The following STX10 variants were observed in gnomAD, a reference collection of about 807,000 sequenced individuals.
STX10 encodes the protein syntaxin 10, also known as syntaxin-10.
A neutral mutation model predicts 34.1 loss-of-function variants in STX10; 35 were observed. That is an observed-to-expected ratio of 1.03 (90% confidence interval 0.78 to 1.36). The LOEUF (loss-of-function observed/expected upper bound fraction) is 1.36, where lower values mean the gene tolerates loss of function less well. Among genes scored for constraint, STX10 ranks in the 40% most tolerant of loss-of-function variants. The probability of loss-of-function intolerance (pLI) is 0.00; values close to 1 mark genes in which losing one functional copy is unlikely to be tolerated. For missense variants in STX10, 361 were observed against 335.5 expected (o/e 1.08, Z -0.59); for synonymous variants, 155 against 132.9 (o/e 1.17, Z -1.15).
chr19:13,150,159 G>T lies in STX10; in HGVS notation c.15C>A (p.Asp5Glu), dbSNP rs769482605. 1.7e-6 allele frequency: 2 copies of T among 1,169,584 alleles called. No individual in the cohort carries two copies. Among genetic ancestry groups the T allele is most frequent in the South Asian group, 2.6e-5 (2 of 78,214 alleles). 72.5% of individuals were successfully genotyped at this position (1,169,584 alleles called of 1,614,324 possible). A position where few individuals can be genotyped will look rare whatever the true frequency, so the allele number is the denominator to read the frequency against. MSLE[D>E]PFFVVRGEVQ... Reference sequence around the variant, plus strand: ...CTCACCCTCGGACTACAAAAAAGGGGTCTTCGAGAGACATGTCAGTCCCTT... The same window carrying T: ...CTCACCCTCGGACTACAAAAAAGGGTTCTTCGAGAGACATGTCAGTCCCTT... Residue 5 changes from aspartate (D) to glutamate (E), a missense_variant, in exon 1 of 8, where the codon GAC becomes GAA. Asp to Glu is a conservative substitution (Grantham distance 45, BLOSUM62 2). Coordinates refer to ENST00000587230, the MANE Select transcript of STX10 (RefSeq NM_003765.3). The surrounding 1 kb of genome is among the most constrained non-coding windows in gnomAD (Gnocchi z 4.0).
chr19:13,144,515 G>A, intron 7 of STX10, 29 bp from the exon 8 acceptor site: 1 of 1,613,818 alleles, frequency 6.2e-7, no homozygotes, highest in South Asian at 1.1e-5. Flanking sequence ...GGGGTCACGG[G>A]GAGAGGGTAC....
intron 2 of STX10, 28 bp from the exon 3 acceptor site, chr19:13,149,621 G>C (rs962637373): frequency 6.2e-7 from 1 of 1,613,384 alleles, no homozygotes; most frequent in Non-Finnish European, 8.5e-7. Flanking sequence ...GGTCAAGGCC[G>C]GAGCCAGATA....
chr19:13,145,493 T>G (rs1405777034), intron 4 of STX10, 98 bp from the exon 5 acceptor site: 6 of 983,114 alleles, frequency 6.1e-6, no homozygotes, highest in East Asian at 5.2e-5. Context: ...GGGCAGACTC[T>G]GGGGCAGGAC....
intron 5 of STX10, among the ~76,000 whole-genome samples, 193 bp downstream of exon 5, chr19:13,145,095 A>C (rs1014451820): frequency 1.3e-5 from 2 of 152,128 alleles, no homozygotes; most frequent in Admixed American, 1.3e-4. Flanking sequence ...GCTACTAGGG[A>C]GGCTGAGGCA....
chr19:13,144,290 G>T lies in STX10; in HGVS notation c.*120C>A. The T allele has an allele frequency of 7.2e-7, 1 of 1,383,028 alleles. No homozygotes were observed. Among genetic ancestry groups the T allele is most frequent in the Non-Finnish European group, 9.8e-7 (1 of 1,019,764 alleles). 85.7% of individuals were successfully genotyped at this position (1,383,028 alleles called of 1,614,324 possible). A position where few individuals can be genotyped will look rare whatever the true frequency, so the allele number is the denominator to read the frequency against. On this transcript the variant is annotated 3_prime_UTR_variant, in exon 8 of 8. Transcript: ENST00000587230. ...GAGCCATGGGGACAGCTCCCCAGGC[G>T]GGACCCTCTACTCTCCAGCTACCCA...
At position 13,150,088 on chromosome 19, in the gene STX10, G is replaced by A; in HGVS notation, c.35+51C>T. ...CGCTGGGGCCGGCACCCGGGCACTG[G>A]CTGGCTTGGGTACAGAGCACCCTCC... On this transcript the variant is annotated intron_variant, in intron 1 of 7. Transcript: ENST00000587230. This position sits in a 1 kb window ranked among gnomAD's most constrained non-coding sequence, Gnocchi z 4.0. 1 of 1,111,882 alleles carries A rather than the reference G, an allele frequency of 9.0e-7. No individual in the cohort carries two copies. The highest frequency in any genetic ancestry group is 1.3e-6 in the Non-Finnish European group (1 of 742,976). 68.9% of individuals were successfully genotyped at this position (1,111,882 alleles called of 1,614,324 possible).
At chr19:13,144,722 T>G (rs2304095) in intron 6 of STX10, 42 bp downstream of exon 6, 3 of 1,612,470 alleles carry the variant, frequency 1.9e-6, no homozygotes, top group South Asian at 2.2e-5. Flanking sequence ...CACACCAGGG[T>G]GGCCGAGAGC....
chr19:13,146,991 G>A (rs1053693075), intron 4 of STX10, among the ~76,000 whole-genome samples: 1 of 150,530 alleles, frequency 6.6e-6, no homozygotes, highest in East Asian at 2.0e-4. Context: ...GAGAGAGAAA[G>A]GCTGGTGGTT....
chr19:13,149,066 G>T lies in STX10; in HGVS notation c.326C>A (p.Pro109Gln). 1 of 1,602,504 alleles carries T rather than the reference G, an allele frequency of 6.2e-7. No homozygotes were observed. The change falls in exon 4 of 8, where the codon CCA becomes CAA. Residue 109 changes from proline (P) to glutamine (Q), a missense_variant. Pro to Gln is a moderately conservative substitution (Grantham distance 76). Coordinates refer to ENST00000587230, the MANE Select transcript of STX10 (RefSeq NM_003765.3). ...VQEMKDHMVS[P>Q]TAVAFLERNN... Reference sequence around the variant, plus strand: ...CCTCTCCAAAAATGCTACGGCTGTTGGGCTGACCATATGGTCCTTCATTTC... The same window carrying T: ...CCTCTCCAAAAATGCTACGGCTGTTTGGCTGACCATATGGTCCTTCATTTC...
intron 4 of STX10, among the ~76,000 whole-genome samples, chr19:13,146,104 G>A (rs1475015231): frequency 6.6e-6 from 1 of 151,142 alleles, no homozygotes. Context: ...GGCTAAGGCA[G>A]CAGAATCGCT....
In STX10 at chr19:13,149,008, G is replaced by A; in HGVS notation, c.363+21C>T. On this transcript the variant is annotated intron_variant, in intron 4 of 7. Transcript: ENST00000587230. Reference sequence around the variant, plus strand: ...TTACCCCCAGGGGCTCAGGTGGGCAGGGTGGGTCAGGAAGGCTTACCTCTC... The same window carrying A: ...TTACCCCCAGGGGCTCAGGTGGGCAAGGTGGGTCAGGAAGGCTTACCTCTC... 4 of 1,593,524 alleles carry A rather than the reference G, an allele frequency of 2.5e-6. No homozygotes were observed. In the South Asian group the frequency reaches 4.6e-5, roughly 18 times the overall value.
At chr19:13,144,694 A>C (rs1194650771) in intron 6 of STX10, 23 bp from the exon 7 acceptor site, 2 of 1,613,718 alleles carry the variant, frequency 1.2e-6, no homozygotes, top group Admixed American at 3.3e-5. Flanking sequence ...GGATGGCATC[A>C]GCCCCAGATG....
In STX10 at chr19:13,149,591, T is replaced by C. The variant is rs1472027519; in HGVS notation, c.208A>G (p.Ile70Val). ...DLEDLEETIG[I>V]VEANPGKFKL... ...AACTTGCCTGGGTTGGCTTCCACTA[T>C]ACGTGGGCTGAGAGTCAAGGGTCAA... Residue 70 changes from isoleucine (I) to valine (V), a missense_variant and splice_region_variant, in exon 3 of 8, where the codon ATA becomes GTA. Transcript: ENST00000587230. 6.2e-7 allele frequency: 1 copy of C among 1,614,016 alleles called. No individual in the cohort carries two copies. Among genetic ancestry groups the C allele is most frequent in the Non-Finnish European group, 8.5e-7 (1 of 1,179,952 alleles).
chr19:13,149,840 G>C lies in STX10; in HGVS notation c.93C>G (p.Leu31=), dbSNP rs1266923222. Residue 31 remains leucine (L), a synonymous_variant, in exon 2 of 8, where the codon CTC becomes CTG. Coordinates refer to ENST00000587230, the MANE Select transcript of STX10 (RefSeq NM_003765.3). ...ARGLYQRWCE[L]LQESAAVGRE... ...GTCCGACCGCCGCGCTTTCCTGCAG[G>C]AGCTCGCACCAGCGCTGGTACAGCC... The C allele has an allele frequency of 6.2e-7, 1 of 1,613,266 alleles. No homozygotes were observed. Among genetic ancestry groups the C allele is most frequent in the Non-Finnish European group, 8.5e-7 (1 of 1,179,890 alleles).
At chr19:13,147,471 A>C (rs2019927067) in intron 4 of STX10, among the ~76,000 whole-genome samples, 1 of 151,794 alleles carries the variant, frequency 6.6e-6, no homozygotes, top group Admixed American at 6.6e-5. Flanking sequence ...TCTCAAAAAA[A>C]AAAAAGGAAG....
Position 13,144,483 on chromosome 19 carries a change from C to G in STX10, c.677G>C (p.Arg226Pro). 2 of 1,613,510 alleles carry G rather than the reference C, an allele frequency of 1.2e-6. No homozygotes were observed. The highest frequency in any genetic ancestry group is 1.7e-6 in the Non-Finnish European group (2 of 1,179,850). The change falls in exon 8 of 8, where the codon CGC becomes CCC. Residue 226 changes from arginine (R) to proline (P), a missense_variant. Arg to Pro is a moderately radical substitution (Grantham distance 103). Coordinates refer to ENST00000587230, the MANE Select transcript of STX10 (RefSeq NM_003765.3). ...CACGGCGATGGCACACCACTGTCGG[C>G]GGTCTGGGAACGAGAAGGTCAGGGG... Reference protein sequence around the residue: ...LAKVSHMTSDRRQWCAIAVLV... With the variant: ...LAKVSHMTSDPRQWCAIAVLV...
intron 1 of STX10, 51 bp from the exon 2 acceptor site, chr19:13,149,948 C>G: frequency 5.2e-6 from 8 of 1,526,018 alleles, no homozygotes; most frequent in African/African-American, 1.4e-5. Flanking sequence ...GTCCTCCCGC[C>G]TGCCTCTGCC....
In STX10 at chr19:13,144,635, G is replaced by T; in HGVS notation, c.615C>A (p.Thr205=). 2 of 1,614,140 alleles carry T rather than the reference G, an allele frequency of 1.2e-6. No individual in the cohort carries two copies. The highest frequency in any genetic ancestry group is 1.7e-6 in the Non-Finnish European group (2 of 1,180,032). Residue 205 remains threonine (T), a synonymous_variant, in exon 7 of 8, where the codon ACC becomes ACA. Transcript: ENST00000587230. ...TGAGGACCCCGTCCATGCGGGACTG[G>T]GTGTGGTCCATCTCTTGGGCGAAGG... ...LDAFAQEMDH[T]QSRMDGVLRK... is the part of the protein sequence containing the mutation.
Position 13,149,013 on chromosome 19 carries a change from G to T in STX10, c.363+16C>A. Reference sequence around the variant, plus strand: ...CCCAGGGGCTCAGGTGGGCAGGGTGGGTCAGGAAGGCTTACCTCTCTGTTA... The same window carrying T: ...CCCAGGGGCTCAGGTGGGCAGGGTGTGTCAGGAAGGCTTACCTCTCTGTTA... On this transcript the variant is annotated intron_variant, in intron 4 of 7. Transcript: ENST00000587230. The T allele has an allele frequency of 6.3e-7, 1 of 1,595,728 alleles. No homozygotes were observed.
Sources: allele counts gnomAD v4.1 joint callset (sites outside exome capture counted in the v4.1 genomes callset), GRCh38; gene constraint gnomAD v4.1.1; non-coding constraint Gnocchi (gnomAD v3.1); transcripts MANE v1.5; gene names NCBI Gene and HGNC (gene_info 2026-07-23, HGNC 2026-07-21).